The following LAMA1 variants were observed in gnomAD, a reference collection of about 807,000 sequenced individuals.
LAMA1 encodes the protein laminin subunit alpha 1.
A neutral mutation model predicts 348.7 loss-of-function variants in LAMA1; 219 were observed. The ratio of observed to expected loss-of-function variants is 0.63; its 90% CI spans 0.56 to 0.70. LAMA1 has a LOEUF of 0.70. Ranked by LOEUF, LAMA1 falls within the 30% of genes least tolerant of loss-of-function variation. The pLI, the probability that LAMA1 is intolerant of heterozygous loss-of-function variation, is 0.00. For missense variants in LAMA1, 3,744 were observed against 3,888.0 expected (o/e 0.96, Z 0.99); for synonymous variants, 1,487 against 1,491.0 (o/e 1.00, Z 0.06).
chr18:6,947,044 A>G, intron 61 of LAMA1, 119 bp downstream of exon 61: 1 of 1,323,912 alleles, frequency 7.6e-7, no homozygotes, highest in East Asian at 2.3e-5. Flanking sequence ...TAAAATAGTA[A>G]TGGGACCATT....
intron 3 of LAMA1, among the ~76,000 whole-genome samples, chr18:7,053,152 A>G (rs2058068697): frequency 6.6e-6 from 1 of 152,214 alleles, no homozygotes; most frequent in South Asian, 2.1e-4. Context: ...AAGACAGCAA[A>G]AAGATCAGTG....
At chr18:7,053,370 C>T (rs745577135) in intron 3 of LAMA1, among the ~76,000 whole-genome samples, 15 of 152,172 alleles carry the variant, frequency 9.9e-5, no homozygotes, top group Non-Finnish European at 2.1e-4. Flanking sequence ...ATTGTCTCAT[C>T]AATGATAACA....
intron 32 of LAMA1, among the ~76,000 whole-genome samples, chr18:6,998,875 A>G (rs2057794479): frequency 6.6e-6 from 1 of 152,214 alleles, no homozygotes; most frequent in Non-Finnish European, 1.5e-5. Flanking sequence ...TCTACTAAAA[A>G]TACAAAAATT....
chr18:7,069,884 C>CTTAGAAAG (rs2058138960), intron 3 of LAMA1, among the ~76,000 whole-genome samples: 1 of 152,096 alleles, frequency 6.6e-6, no homozygotes, highest in African/African-American at 2.4e-5. Flanking sequence ...TAGACATACC[C>CTTAGAAAG]ACTCAGGCCT....
At chr18:6,953,062 C>T in intron 57 of LAMA1, among the ~76,000 whole-genome samples, 1 of 144,896 alleles carries the variant, frequency 6.9e-6, no homozygotes, top group African/African-American at 2.5e-5. Context: ...TCCGGCGGAT[C>T]CACGCCATGG....
At position 6,977,756 on chromosome 18, in the gene LAMA1, T is replaced by TTA; in HGVS notation, c.6315_6316insTA (p.Ile2106Ter). ...GCTGCTTGTTTGCGGGCCTGGCTGA[T>TTA]CAACAGTTTAATTTCTGATAGGTTT... On this transcript the variant is annotated frameshift_variant, in exon 44 of 63. Coordinates refer to ENST00000389658, the MANE Select transcript of LAMA1 (RefSeq NM_005559.4). LOFTEE classifies it high-confidence loss of function. The TTA allele has an allele frequency of 6.2e-7, 1 of 1,614,162 alleles. No individual in the cohort carries two copies. Among genetic ancestry groups the TTA allele is most frequent in the Non-Finnish European group, 8.5e-7 (1 of 1,180,022 alleles).
At chr18:7,022,731 C>T (rs1190417254) in intron 19 of LAMA1, among the ~76,000 whole-genome samples, 4 of 152,160 alleles carry the variant, frequency 2.6e-5, no homozygotes, top group South Asian at 2.1e-4. Flanking sequence ...ATGCACCACA[C>T]GGTGCTTTAC....
At chr18:7,050,568 G>T in intron 4 of LAMA1, 126 bp downstream of exon 4, 1 of 1,355,930 alleles carries the variant, frequency 7.4e-7, no homozygotes, top group South Asian at 1.2e-5. Context: ...CATGACTCAA[G>T]GCCACTTTAA....
At chr18:6,956,559 C>G in intron 56 of LAMA1, 77 bp downstream of exon 56, 1 of 1,600,948 alleles carries the variant, frequency 6.2e-7, no homozygotes, top group Non-Finnish European at 8.5e-7. Context: ...TACAGCAAGG[C>G]CCCATTTTAA....
intron 20 of LAMA1, among the ~76,000 whole-genome samples, 167 bp from the exon 21 acceptor site, chr18:7,016,838 G>A (rs780353334): frequency 2.0e-5 from 3 of 152,128 alleles, no homozygotes; most frequent in South Asian, 2.1e-4. Flanking sequence ...AGACAGGCAC[G>A]GCACTTGTCA....
chr18:7,086,595 C>A (rs2058218457), intron 1 of LAMA1, among the ~76,000 whole-genome samples: 1 of 152,236 alleles, frequency 6.6e-6, no homozygotes, highest in South Asian at 2.1e-4. Flanking sequence ...CAGTTCTTCT[C>A]CCCCACTATC....
intron 57 of LAMA1, among the ~76,000 whole-genome samples, chr18:6,952,362 G>A (rs1213888136): frequency 6.6e-6 from 1 of 152,170 alleles, no homozygotes; most frequent in Non-Finnish European, 1.5e-5. Flanking sequence ...GAGGCTGACC[G>A]GATGGTTAAA....
intron 3 of LAMA1, among the ~76,000 whole-genome samples, chr18:7,072,499 G>C (rs1018528266): frequency 9.9e-5 from 15 of 152,264 alleles, no homozygotes; most frequent in African/African-American, 2.6e-4. Context: ...AAGGTCCCAG[G>C]ACCAAGCTGG....
intron 28 of LAMA1, among the ~76,000 whole-genome samples, 164 bp downstream of exon 28, chr18:7,008,324 G>T (rs2057842584): frequency 6.6e-6 from 1 of 152,088 alleles, no homozygotes; most frequent in African/African-American, 2.4e-5. Flanking sequence ...TAAGATGGAA[G>T]ATTTTGTTAT....
rs1333017953 is a variant in LAMA1, at chr18:6,999,493, A to G, written c.4615T>C (p.Cys1539Arg). 1.2e-6 allele frequency: 2 copies of G among 1,614,098 alleles called. No individual in the cohort carries two copies. Among genetic ancestry groups the G allele is most frequent in the Non-Finnish European group, 1.7e-6 (2 of 1,180,010 alleles). ...VCRLGASGLR[C>R]DECEPRHILM... is the part of the protein sequence containing the mutation. ...ATGTGCCTCGGTTCACACTCATCGC[A>G]CCGGAGCCCCGAGGCCCCCAGCCTG... The change falls in exon 32 of 63, where the codon TGC becomes CGC. Residue 1539 changes from cysteine (C) to arginine (R), a missense_variant. Around this residue, in one of 3 missense-constraint regions of LAMA1, gnomAD observed 1,983 missense variants for 1,934.3 expected, o/e 1.03. Transcript: ENST00000389658.
chr18:7,012,211 A>G (rs761959153), intron 23 of LAMA1, 73 bp from the exon 24 acceptor site: 11 of 1,462,174 alleles, frequency 7.5e-6, no homozygotes, highest in Non-Finnish European at 1.0e-5. Context: ...CAGAGACAAA[A>G]TAGAGCACAA....
At chr18:6,979,886 G>C (rs546232585) in intron 42 of LAMA1, among the ~76,000 whole-genome samples, 44 of 152,152 alleles carry the variant, frequency 2.9e-4, no homozygotes, top group Non-Finnish European at 1.0e-4. Context: ...GCGACAGAGC[G>C]AGACTCTGTC....
chr18:7,011,386 A>G lies in LAMA1; in HGVS notation c.3601T>C (p.Phe1201Leu), dbSNP rs1348845243. ...CGGACGGTGGCGGCATCCAGCAGGAAGTCGGGGGCCTGGTAGTAAACCCCC... is the reference window on the plus strand; with the variant it reads ...CGGACGGTGGCGGCATCCAGCAGGAGGTCGGGGGCCTGGTAGTAAACCCCC... ...TEGVYYQAPD[F>L]LLDAATVRQH... Residue 1201 changes from phenylalanine (F) to leucine (L), a missense_variant, in exon 25 of 63, where the codon TTC becomes CTC. Coordinates refer to ENST00000389658, the MANE Select transcript of LAMA1 (RefSeq NM_005559.4). The G allele has an allele frequency of 6.2e-7, 1 of 1,611,290 alleles. No homozygotes were observed. The highest frequency in any genetic ancestry group is 1.7e-5 in the Admixed American group (1 of 59,674).
chr18:6,990,097 G>A (rs1183969415), intron 36 of LAMA1, among the ~76,000 whole-genome samples: 1 of 152,196 alleles, frequency 6.6e-6, no homozygotes, highest in Non-Finnish European at 1.5e-5. Flanking sequence ...ATCATTTCAT[G>A]TGATTGTGGT....
Sources: gnomAD v4.1 joint callset for allele counts (sites outside exome capture counted in the v4.1 genomes callset) on GRCh38, gnomAD v4.1.1 for gene constraint, gnomAD v4.1.1 regional missense constraint, MANE v1.5 for transcripts, NCBI Gene and HGNC (gene_info 2026-07-23, HGNC 2026-07-21) for gene names.